Variants in TENM2 observed in about 807,000 individuals in gnomAD.
TENM2 encodes the protein teneurin transmembrane protein 2.
In TENM2, 52 loss-of-function variants were observed where a neutral mutation model predicts 245.2. The observed-to-expected ratio is 0.21, with a 90% CI of 0.17 to 0.27. The LOEUF (loss-of-function observed/expected upper bound fraction) is 0.27, where lower values mean the gene tolerates loss of function less well. Ranked by LOEUF, TENM2 falls within the 10% of genes least tolerant of loss-of-function variation. The pLI, the probability that TENM2 is intolerant of heterozygous loss-of-function variation, is 1.00. For missense variants in TENM2, 3,046 were observed against 3,666.8 expected, an observed-to-expected ratio of 0.83 and a Z score of 4.37; for synonymous variants, 1,363 against 1,438.9, an observed-to-expected ratio of 0.95 and a Z score of 1.19.
At chr5:168,011,565 TG>T (rs965405711) in intron 5 of TENM2, among the ~76,000 whole-genome samples, 3 of 152,190 alleles carry the variant, frequency 2.0e-5, no homozygotes, top group Non-Finnish European at 4.4e-5. Flanking sequence ...TTTTACCACT[TG>T]AACGAAAATA....
chr5:167,262,614 A>T, the TENM2 span, among the ~76,000 whole-genome samples: 1 of 152,180 alleles, frequency 6.6e-6, no homozygotes, highest in African/African-American at 2.4e-5. Context: ...CTGGAGACTT[A>T]GTAGCTGCTT....
At chr5:167,020,447 T>C in the TENM2 span, among the ~76,000 whole-genome samples, 1 of 152,228 alleles carries the variant, frequency 6.6e-6, no homozygotes, top group Non-Finnish European at 1.5e-5. Context: ...TTGTCTATTC[T>C]GCAACCATTG....
the TENM2 span, among the ~76,000 whole-genome samples, chr5:167,033,700 G>A: frequency 6.6e-6 from 1 of 152,106 alleles, no homozygotes; most frequent in Non-Finnish European, 1.5e-5. Context: ...GAAGAGAGAT[G>A]ACAATGAAAC....
chr5:167,510,167 T>C (rs1469220592), intron 2 of TENM2, among the ~76,000 whole-genome samples: 1 of 152,214 alleles, frequency 6.6e-6, no homozygotes. Context: ...TACTGAAATA[T>C]AAAATGTACT....
At chr5:167,884,352 C>T (rs1774115842) in intron 3 of TENM2, among the ~76,000 whole-genome samples, 1 of 152,142 alleles carries the variant, frequency 6.6e-6, no homozygotes, top group Admixed American at 6.5e-5. Flanking sequence ...CACCATCCAC[C>T]TCTAAAACAT....
At chr5:167,447,991 TG>T (rs1765333038) in intron 2 of TENM2, among the ~76,000 whole-genome samples, 1 of 152,130 alleles carries the variant, frequency 6.6e-6, no homozygotes, top group Non-Finnish European at 1.5e-5. Context: ...ACAGCTGTAC[TG>T]GAGGAGCTGC....
At chr5:167,633,990 T>C (rs939597434) in intron 2 of TENM2, among the ~76,000 whole-genome samples, 2 of 152,182 alleles carry the variant, frequency 1.3e-5, no homozygotes, top group African/African-American at 4.8e-5. Context: ...TTCTGTATTA[T>C]GAATACCATG....
chr5:167,331,478 A>G (rs964472207), intron 1 of TENM2, among the ~76,000 whole-genome samples: 1 of 152,152 alleles, frequency 6.6e-6, no homozygotes, highest in Non-Finnish European at 1.5e-5. Context: ...GAATGTACCT[A>G]CAGAAGTGAG....
intron 2 of TENM2, among the ~76,000 whole-genome samples, chr5:167,376,842 G>C (rs531349950): frequency 2.0e-4 from 31 of 152,206 alleles, no homozygotes; most frequent in African/African-American, 7.2e-4. Context: ...CCATTTACTG[G>C]TGTCCTTTTT....
chr5:167,431,961 G>GTATATATATATATATATA (rs112010521), intron 2 of TENM2, among the ~76,000 whole-genome samples: 3 of 43,600 alleles, frequency 6.9e-5, no homozygotes, highest in African/African-American at 1.0e-4. Flanking sequence ...ATATATATAT[G>GTATATATATATATATATA]TATATATATA....
chr5:167,252,220 T>G, the TENM2 span, among the ~76,000 whole-genome samples: 3 of 152,116 alleles, frequency 2.0e-5, no homozygotes, highest in Non-Finnish European at 4.4e-5. Context: ...CAGAAAGCCA[T>G]AAACAGAAGT....
intron 2 of TENM2, among the ~76,000 whole-genome samples, chr5:167,842,146 C>T (rs916531842): frequency 3.3e-5 from 5 of 151,996 alleles, no homozygotes; most frequent in Admixed American, 2.0e-4. Context: ...AAGAAGCTGG[C>T]GTCATTGCCA....
chr5:168,120,254 A>C (rs938116294), intron 10 of TENM2, among the ~76,000 whole-genome samples: 1 of 152,156 alleles, frequency 6.6e-6, no homozygotes, highest in African/African-American at 2.4e-5. Context: ...TTTTTCCTCT[A>C]TTATAAAAGG....
chr5:167,995,538 T>C (rs1431589110), intron 5 of TENM2, among the ~76,000 whole-genome samples: 3 of 152,164 alleles, frequency 2.0e-5, no homozygotes, highest in East Asian at 3.9e-4. Context: ...ATAGGGCTAC[T>C]CTCAGCCACT....
At chr5:167,510,329 TGAA>T (rs1236580206) in intron 2 of TENM2, among the ~76,000 whole-genome samples, 1 of 152,192 alleles carries the variant, frequency 6.6e-6, no homozygotes, top group Non-Finnish European at 1.5e-5. Flanking sequence ...TGAATTTTCC[TGAA>T]ATAATGTCTG....
At position 168,061,980 on chromosome 5, in the gene TENM2, T is replaced by C. The variant is rs1010125930; in HGVS notation, c.1310-80T>C. 1.5e-5 allele frequency: 19 copies of C among 1,276,528 alleles called. No individual in the cohort carries two copies. The Admixed American group carries it at 5.0e-4, about 33-fold the overall frequency. 79.1% of individuals were successfully genotyped at this position (1,276,528 alleles called of 1,614,324 possible). ...ATTAAAACAACAACAAAAAAAAACC[T>C]GGCATGTAATTAAACAAATATAGAG... On this transcript the variant is annotated intron_variant, in intron 6 of 28. Transcript: ENST00000518659.
intron 2 of TENM2, among the ~76,000 whole-genome samples, chr5:167,627,339 G>C (rs573050806): frequency 1.3e-5 from 2 of 152,120 alleles, no homozygotes; most frequent in African/African-American, 2.4e-5. Context: ...CCTTTGAAAA[G>C]AGAGAATGTG....
chr5:167,720,178 A>G (rs978189898), intron 2 of TENM2, among the ~76,000 whole-genome samples: 6 of 152,242 alleles, frequency 3.9e-5, no homozygotes, highest in African/African-American at 7.2e-5. Context: ...CGGGACAGGA[A>G]ACACTGATCT....
At chr5:167,346,938 C>T (rs1758493788) in intron 1 of TENM2, among the ~76,000 whole-genome samples, 1 of 152,078 alleles carries the variant, frequency 6.6e-6, no homozygotes. Context: ...CCACACCCAG[C>T]TATTTTTTTA....
Sources: allele counts gnomAD v4.1 joint callset (sites outside exome capture counted in the v4.1 genomes callset), GRCh38; gene constraint gnomAD v4.1.1; transcripts MANE v1.5; gene names NCBI Gene and HGNC (gene_info 2026-07-23, HGNC 2026-07-21).